CCDC171: variants seen among roughly 807,000 people sequenced by gnomAD.
CCDC171 encodes coiled-coil domain-containing protein 171.
CCDC171 carries 177 observed loss-of-function variants against 168.2 expected under a neutral mutation model. The observed-to-expected ratio is 1.05, with a 90% CI of 0.93 to 1.19. CCDC171 has a LOEUF of 1.19. Ranked by LOEUF, CCDC171 falls within the 50% of genes most tolerant of loss-of-function variation. The pLI, the probability that CCDC171 is intolerant of heterozygous loss-of-function variation, is 0.00. For synonymous variants in CCDC171, 687 were observed against 540.8 expected, an observed-to-expected ratio of 1.27 and a Z score of -3.75; for missense variants, 1,991 against 1,539.0, an observed-to-expected ratio of 1.29 and a Z score of -4.91.
In CCDC171 at chr9:15,992,548, C is replaced by G. The variant is rs189434351; in HGVS notation, n.369-28041C>G. 1.1e-3 allele frequency among the ~76,000 whole-genome samples: 170 copies of G among 152,306 alleles called. 1 individual carries two copies. Among genetic ancestry groups the G allele is most frequent in the African/African-American group, 3.4e-3 (140 of 41,574 alleles). The stretch of plus-strand genomic sequence containing the variant: ...AAAACGGGCACAAGACAGGGATGCC[C>G]TCTCTCACCACTCCTATTCAACATG... On this transcript the variant is annotated intron_variant and non_coding_transcript_variant, in intron 3 of 9. Transcript: ENST00000486641.
rs939223621 is a variant in CCDC171 at position 15,979,548 on chromosome 9, A to G, written n.369-41041A>G. Among the ~76,000 whole-genome samples the G allele has an allele frequency of 2.0e-5, 3 of 152,158 alleles. No homozygotes were observed. The East Asian group carries it at 5.8e-4, about 29-fold the overall frequency. On this transcript the variant is annotated intron_variant and non_coding_transcript_variant, in intron 3 of 9. Transcript: ENST00000486641. ...TTTTTCTGTATCTATTGAGATGATC[A>G]TGTGGTTTTTGTCCTGTATTCTATT...
At chr9:15,825,156 A>T (rs563895157) in intron 21 of CCDC171, among the ~76,000 whole-genome samples, 1 of 152,256 alleles carries the variant, frequency 6.6e-6, no homozygotes, top group East Asian at 1.9e-4. Context: ...AGTTTACACT[A>T]TTAGAAATAG....
intron 1 of CCDC171, among the ~76,000 whole-genome samples, chr9:16,045,506 A>G (rs1436693774): frequency 6.6e-6 from 1 of 152,200 alleles, no homozygotes; most frequent in Admixed American, 6.5e-5. Context: ...GTAACAATCA[A>G]GAATGTCTCC....
intron 21 of CCDC171, among the ~76,000 whole-genome samples, chr9:15,832,419 A>T (rs975620179): frequency 9.2e-5 from 14 of 152,200 alleles, no homozygotes; most frequent in Admixed American, 6.5e-4. Context: ...ACTTACACAG[A>T]CCTACATAGT....
chr9:15,626,948 G>C (rs929272939), intron 7 of CCDC171, among the ~76,000 whole-genome samples: 2 of 152,100 alleles, frequency 1.3e-5, no homozygotes, highest in Non-Finnish European at 2.9e-5. Context: ...TCTGGTCCTG[G>C]ACATTTTTTG....
chr9:16,081,239 G>A, the CCDC171 span, among the ~76,000 whole-genome samples: 2 of 152,092 alleles, frequency 1.3e-5, no homozygotes, highest in East Asian at 1.9e-4. Context: ...GATTTTCTTT[G>A]GATATTCAAC....
At chr9:15,617,463 G>A (rs1321797289) in intron 6 of CCDC171, among the ~76,000 whole-genome samples, 3 of 149,672 alleles carry the variant, frequency 2.0e-5, no homozygotes, top group Non-Finnish European at 4.4e-5. Context: ...TGCAAGCTCC[G>A]CCTCCTGGGT....
chr9:15,958,130 T>C (rs900988864), intron 25 of CCDC171, among the ~76,000 whole-genome samples: 1 of 151,838 alleles, frequency 6.6e-6, no homozygotes, highest in Non-Finnish European at 1.5e-5. Flanking sequence ...ATTCATTCAT[T>C]CATTCATTCA....
intron 21 of CCDC171, among the ~76,000 whole-genome samples, chr9:15,822,500 C>T (rs1303423591): frequency 6.6e-6 from 1 of 152,032 alleles, no homozygotes; most frequent in Non-Finnish European, 1.5e-5. Flanking sequence ...AAAAAACAAA[C>T]ACCCACATGA....
At chr9:15,904,683 A>C (rs1338390994) in intron 24 of CCDC171, among the ~76,000 whole-genome samples, 3 of 152,176 alleles carry the variant, frequency 2.0e-5, no homozygotes, top group Non-Finnish European at 4.4e-5. Context: ...ATTAACCTTA[A>C]ATGTAAATGG....
rs74891996 is a variant in CCDC171, at chr9:15,604,327, G to C, written c.675+10155G>C. Among the ~76,000 whole-genome samples the C allele has an allele frequency of 1.5e-4, 23 of 152,096 alleles. No individual in the cohort carries two copies. In the East Asian group the frequency reaches 4.1e-3, roughly 27 times the overall value. ...GAGTTTGTCATGAAATCTTTGCCCT[G>C]CCACAAGCTTTTCTATTGTGGGACA... On this transcript the variant is annotated intron_variant, in intron 6 of 25. Transcript: ENST00000380701.
At chr9:15,726,210 G>A (rs1409469681) in intron 14 of CCDC171, among the ~76,000 whole-genome samples, 2 of 152,174 alleles carry the variant, frequency 1.3e-5, no homozygotes, top group Non-Finnish European at 2.9e-5. Context: ...TAAAGTAAAG[G>A]AAACTAGAAG....
intron 18 of CCDC171, among the ~76,000 whole-genome samples, chr9:15,750,599 A>G (rs1421759518): frequency 1.3e-5 from 2 of 150,422 alleles, no homozygotes; most frequent in African/African-American, 2.4e-5. Context: ...CCAGCAGCAC[A>G]TCAAAAATGC....
chr9:15,702,354 T>A (rs952139468), intron 11 of CCDC171, among the ~76,000 whole-genome samples: 2 of 152,072 alleles, frequency 1.3e-5, no homozygotes, highest in African/African-American at 4.8e-5. Flanking sequence ...GCTTGTCAGT[T>A]TAAGTTGAAG....
chr9:15,706,236 C>G (rs143682272), intron 11 of CCDC171, among the ~76,000 whole-genome samples: 1 of 149,438 alleles, frequency 6.7e-6, no homozygotes, highest in African/African-American at 2.5e-5. Flanking sequence ...TTCCTTCCTT[C>G]CTTCCTTGCT....
At chr9:16,027,387 CAG>C (rs1352521069) in intron 6 of CCDC171, among the ~76,000 whole-genome samples, 5 of 152,138 alleles carry the variant, frequency 3.3e-5, no homozygotes, top group Admixed American at 2.6e-4. Flanking sequence ...CTTATGACTG[CAG>C]AGAGGCACTG....
chr9:16,085,962 G>A, the CCDC171 span, among the ~76,000 whole-genome samples: 1 of 152,134 alleles, frequency 6.6e-6, no homozygotes, highest in East Asian at 1.9e-4. Context: ...TTGGTATAAG[G>A]ATGATGCTGG....
chr9:15,999,633 C>T (rs995496495), intron 3 of CCDC171, among the ~76,000 whole-genome samples: 2 of 152,198 alleles, frequency 1.3e-5, no homozygotes, highest in African/African-American at 2.4e-5. Context: ...GCTGTTGCCT[C>T]CAAGGACAAG....
At chr9:16,008,496 GT>G (rs1271662123) in intron 3 of CCDC171, among the ~76,000 whole-genome samples, 1 of 152,126 alleles carries the variant, frequency 6.6e-6, no homozygotes, top group Admixed American at 6.5e-5. Context: ...GTCCAGAAAT[GT>G]TTTTTTCCAA....
Sources: gnomAD v4.1 joint callset for allele counts (sites outside exome capture counted in the v4.1 genomes callset) on GRCh38, gnomAD v4.1.1 for gene constraint, MANE v1.5 for transcripts, NCBI Gene and HGNC (gene_info 2026-07-23, HGNC 2026-07-21) for gene names.